The following LMX1A variants were observed in gnomAD, a reference collection of about 807,000 sequenced individuals.
LMX1A encodes the protein LIM homeobox transcription factor 1 alpha, also known as LIM homeobox transcription factor 1-alpha.
Under a neutral mutation model 49.1 loss-of-function variants are expected in LMX1A, and 15 were observed. That is an observed-to-expected ratio of 0.31 (90% CI 0.20 to 0.47). The LOEUF (loss-of-function observed/expected upper bound fraction) is 0.47, where lower values mean the gene tolerates loss of function less well. Ranked by LOEUF, LMX1A falls within the 20% of genes least tolerant of loss-of-function variation. The probability of loss-of-function intolerance (pLI) is 1.00; values close to 1 mark genes in which losing one functional copy is unlikely to be tolerated. For missense variants in LMX1A, 372 were observed against 475.8 expected (o/e 0.78, Z 2.03); for synonymous variants, 167 against 185.7 (o/e 0.90, Z 0.82).
intron 3 of LMX1A, among the ~76,000 whole-genome samples, chr1:165,304,662 G>A (rs1654872660): frequency 6.6e-6 from 1 of 152,140 alleles, no homozygotes; most frequent in African/African-American, 2.4e-5. Flanking sequence ...CTAAACCCAA[G>A]TCCCTTCCAT....
chr1:165,317,390 C>T (rs1390988002), intron 3 of LMX1A, among the ~76,000 whole-genome samples: 3 of 152,198 alleles, frequency 2.0e-5, no homozygotes, highest in Non-Finnish European at 4.4e-5. Context: ...ATTTACCCTT[C>T]TCTTTGTATT....
At position 165,355,657 on chromosome 1, in the gene LMX1A, G is replaced by A; in HGVS notation, c.-22-76C>T. 3 of 1,112,032 alleles carry A rather than the reference G, an allele frequency of 2.7e-6. No homozygotes were observed. The highest frequency in any genetic ancestry group is 4.0e-6 in the Non-Finnish European group (3 of 748,822). The allele number at this position is 1,112,032 out of a possible 1,614,324, so 68.9% of individuals were successfully genotyped here. ...GGCGCCAGCAGCCACCGCACTCCTG[G>A]GAAAGAACTGAGGGAGTGTCCAGGG... On this transcript the variant is annotated intron_variant, in intron 1 of 8. Transcript: ENST00000342310. The surrounding 1 kb of genome is among the most constrained non-coding windows in gnomAD (Gnocchi z 4.7).
chr1:165,309,499 G>A (rs913798174), intron 3 of LMX1A, among the ~76,000 whole-genome samples: 5 of 152,168 alleles, frequency 3.3e-5, no homozygotes, highest in Admixed American at 6.5e-5. Flanking sequence ...GCCAACAACA[G>A]CAGCAACTGT....
chr1:165,350,217 T>C (rs1459924920), intron 3 of LMX1A, among the ~76,000 whole-genome samples: 3 of 143,314 alleles, frequency 2.1e-5, no homozygotes, highest in Non-Finnish European at 4.6e-5. Flanking sequence ...TGTTTACAAA[T>C]GTATTTTTTA....
intron 3 of LMX1A, among the ~76,000 whole-genome samples, chr1:165,284,850 T>C (rs1571201527): frequency 6.6e-6 from 1 of 152,000 alleles, no homozygotes; most frequent in South Asian, 2.1e-4. Context: ...CATGGAGAGA[T>C]GGGAGGAGAT....
chr1:165,353,417 G>GA lies in LMX1A; in HGVS notation c.77-156dup, dbSNP rs145554599. 0.22 allele frequency among the ~76,000 whole-genome samples: 33,089 copies of GA among 151,936 alleles called. 4,211 individuals are homozygous for GA. Among genetic ancestry groups the GA allele is most frequent in the Non-Finnish European group, 0.29 (19,371 of 67,956 alleles). On this transcript the variant is annotated intron_variant, in intron 2 of 8. Coordinates refer to ENST00000342310, the MANE Select transcript of LMX1A (RefSeq NM_177398.4). ...TGCTAATCAACCAAGCTGAAACCTG[G>GA]AAAAAATCAAGCCAAGTGGCGTTTC... is the stretch of plus-strand genomic sequence containing the variant.
chr1:165,302,125 C>T (rs1336838005), intron 3 of LMX1A, among the ~76,000 whole-genome samples: 1 of 151,846 alleles, frequency 6.6e-6, no homozygotes, highest in Non-Finnish European at 1.5e-5. Context: ...TCTGCTTTCC[C>T]TCCCTCTGTA....
chr1:165,354,472 C>T (rs1030561671), intron 2 of LMX1A, among the ~76,000 whole-genome samples: 6 of 152,206 alleles, frequency 3.9e-5, no homozygotes, highest in African/African-American at 1.4e-4. Context: ...GCTGCCCGCC[C>T]GGGTACTGCC....
chr1:165,325,310 T>A (rs376227299), intron 3 of LMX1A, among the ~76,000 whole-genome samples: 3 of 152,216 alleles, frequency 2.0e-5, no homozygotes, highest in African/African-American at 7.2e-5. Context: ...AACTATACAT[T>A]CTAATTAAAC....
intron 3 of LMX1A, among the ~76,000 whole-genome samples, chr1:165,344,998 CAG>C (rs1656193957): frequency 2.0e-5 from 3 of 152,186 alleles, no homozygotes; most frequent in Non-Finnish European, 4.4e-5. Context: ...CCTGCAGAGA[CAG>C]GGGGCCTATT....
chr1:165,291,404 TTCCATCTGTTATGTTCCAGCTGACTGAA>T (rs1234749610), intron 3 of LMX1A, among the ~76,000 whole-genome samples: 2 of 152,154 alleles, frequency 1.3e-5, no homozygotes, highest in Non-Finnish European at 2.9e-5. Flanking sequence ...GCTTGCCTGT[TTCCATCTGTTATGTTCCAGCTGACTGAA>T]TTTGGGCCCA....
chr1:165,311,761 T>C (rs1655083716), intron 3 of LMX1A, among the ~76,000 whole-genome samples: 1 of 152,232 alleles, frequency 6.6e-6, no homozygotes, highest in Non-Finnish European at 1.5e-5. Flanking sequence ...AGGCTTCTCC[T>C]GCACAAAGGC....
At chr1:165,210,641 T>G in intron 6 of LMX1A, 58 bp downstream of exon 6, 1 of 1,316,564 alleles carries the variant, frequency 7.6e-7, no homozygotes, top group Admixed American at 1.7e-5. Flanking sequence ...AATGTCCTAC[T>G]GTGATTATTT....
At chr1:165,258,187 G>A (rs1653312363) in intron 3 of LMX1A, among the ~76,000 whole-genome samples, 1 of 152,232 alleles carries the variant, frequency 6.6e-6, no homozygotes, top group African/African-American at 2.4e-5. Flanking sequence ...GCAGAGACAG[G>A]GATTGGCCAT....
intron 3 of LMX1A, among the ~76,000 whole-genome samples, chr1:165,294,555 G>C (rs774867095): frequency 6.6e-6 from 1 of 152,186 alleles, no homozygotes; most frequent in Non-Finnish European, 1.5e-5. Flanking sequence ...AAACCCGGCA[G>C]TTTCTCTTCT....
At chr1:165,304,670 C>T (rs1277562698) in intron 3 of LMX1A, among the ~76,000 whole-genome samples, 3 of 152,186 alleles carry the variant, frequency 2.0e-5, no homozygotes, top group African/African-American at 7.2e-5. Context: ...AAGTCCCTTC[C>T]ATGATATCCA....
rs1257815319 is a variant in LMX1A at position 165,213,786 on chromosome 1, C to A, written c.524G>T (p.Cys175Phe). The A allele has an allele frequency of 6.2e-7, 1 of 1,614,096 alleles. No homozygotes were observed. Among genetic ancestry groups the A allele is most frequent in the East Asian group, 2.2e-5 (1 of 44,880 alleles). The change falls in exon 5 of 9, where the codon TGC becomes TTC. Residue 175 changes from cysteine to phenylalanine, a missense_variant. Physicochemically the swap from Cys to Phe is radical, Grantham distance 205. Around this residue, in one of 3 missense-constraint regions of LMX1A, gnomAD observed 199 missense variants for 244.0 expected, o/e 0.82. Transcript: ENST00000342310. ...TTTCCCTGCCCCATGGGCTGACTTG[C>A]AGAGACTTTCTTCATCATCACTTTT... ...SGKSDDEESL[C>F]KSAHGAGKGT...
intron 4 of LMX1A, among the ~76,000 whole-genome samples, chr1:165,221,293 G>A (rs1225462326): frequency 6.6e-6 from 1 of 152,078 alleles, no homozygotes; most frequent in Non-Finnish European, 1.5e-5. Flanking sequence ...GGGGGTGAAA[G>A]GTTGACCCTG....
Position 165,341,193 on chromosome 1 carries a change from T to C in LMX1A, c.263+11883A>G, listed in dbSNP as rs923041673. Reference sequence around the variant, plus strand: ...ACACAACACTCATAGTGACTTGGCATGATTTTGCAGTCCACAACCAGCCAT... The same window carrying C: ...ACACAACACTCATAGTGACTTGGCACGATTTTGCAGTCCACAACCAGCCAT... On this transcript the variant is annotated intron_variant, in intron 3 of 8. Coordinates refer to ENST00000342310, the MANE Select transcript of LMX1A (RefSeq NM_177398.4). Among the ~76,000 whole-genome samples, 3 of 152,230 alleles carry C rather than the reference T, an allele frequency of 2.0e-5. No homozygotes were observed. The East Asian group carries it at 5.8e-4, about 29-fold the overall frequency.
Sources: gnomAD v4.1 joint callset for allele counts (sites outside exome capture counted in the v4.1 genomes callset) on GRCh38, gnomAD v4.1.1 for gene constraint, gnomAD v4.1.1 regional missense constraint, Gnocchi (gnomAD v3.1) non-coding constraint, MANE v1.5 for transcripts, NCBI Gene and HGNC (gene_info 2026-07-23, HGNC 2026-07-21) for gene names.